The following GBE1 variants were observed in gnomAD, a reference collection of about 807,000 sequenced individuals.
The protein encoded by GBE1 is 1,4-alpha-glucan branching enzyme 1.
GBE1 carries 70 observed loss-of-function variants against 88.8 expected under a neutral mutation model. That is an observed-to-expected ratio of 0.79 (90% CI 0.65 to 0.96). The LOEUF (loss-of-function observed/expected upper bound fraction) is 0.96, where lower values mean the gene tolerates loss of function less well. GBE1 is among the 40% of genes least tolerant of loss of function. The pLI, the probability that GBE1 is intolerant of heterozygous loss-of-function variation, is 0.00. For synonymous variants in GBE1, 284 were observed against 300.1 expected (o/e 0.95, Z 0.56); for missense variants, 872 against 871.0 (o/e 1.00, Z -0.01).
At chr3:81,611,978 A>C (rs1704187833) in intron 7 of GBE1, among the ~76,000 whole-genome samples, 1 of 152,118 alleles carries the variant, frequency 6.6e-6, no homozygotes, top group African/African-American at 2.4e-5. Context: ...TATTGGAAAA[A>C]AGCATTTTTG....
At chr3:81,528,647 T>C (rs1192040321) in intron 14 of GBE1, among the ~76,000 whole-genome samples, 1 of 152,060 alleles carries the variant, frequency 6.6e-6, no homozygotes, top group Admixed American at 6.6e-5. Flanking sequence ...TTGCTTTATA[T>C]ATATGGATGC....
At chr3:81,567,832 C>A (rs1421465680) in intron 12 of GBE1, among the ~76,000 whole-genome samples, 1 of 152,176 alleles carries the variant, frequency 6.6e-6, no homozygotes, top group Admixed American at 6.5e-5. Context: ...TAAAAAGCAA[C>A]AAAGGTTATC....
intron 12 of GBE1, among the ~76,000 whole-genome samples, chr3:81,565,719 C>T (rs1703483102): frequency 6.6e-6 from 1 of 152,128 alleles, no homozygotes. Context: ...TTTTTCTCCA[C>T]AGGTATCACT....
chr3:81,587,021 A>C (rs1402402536), intron 9 of GBE1, among the ~76,000 whole-genome samples: 1 of 151,956 alleles, frequency 6.6e-6, no homozygotes, highest in Non-Finnish European at 1.5e-5. Context: ...CGAACTCCTG[A>C]CCGTTCGAGA....
At chr3:81,544,705 T>G (rs539583997) in intron 12 of GBE1, among the ~76,000 whole-genome samples, 27 of 152,286 alleles carry the variant, frequency 1.8e-4, no homozygotes, top group Non-Finnish European at 1.5e-5. Flanking sequence ...TCTGGTTAAT[T>G]GTGAAAAACC....
Position 81,743,590 on chromosome 3 carries a change from T to C in GBE1, c.143+17785A>G. On this transcript the variant is annotated intron_variant, in intron 1 of 15. Coordinates refer to ENST00000429644, the MANE Select transcript of GBE1 (RefSeq NM_000158.4). ...AGCAAGATTCATGGGACAACGAAGT[T>C]AGAAACAGCTGTTAATCTGGGCCGA... The C allele has an allele frequency of 1.3e-6, 2 of 1,535,242 alleles. 1 individual carries two copies. Among genetic ancestry groups the C allele is most frequent in the South Asian group, 2.4e-5 (2 of 83,990 alleles).
rs1703544490 is a variant in GBE1 at position 81,569,559 on chromosome 3, G to A, written c.1618+8366C>T. Among the ~76,000 whole-genome samples, 3 of 152,152 alleles carry A rather than the reference G, an allele frequency of 2.0e-5. No homozygotes were observed. The South Asian group carries it at 6.2e-4, about 32-fold the overall frequency. On this transcript the variant is annotated intron_variant, in intron 12 of 15. Transcript: ENST00000429644. ...CATTAACATCCTTCTGGCCATAACT[G>A]CTGGTCACATGACCTCAGCAGGCTT...
At chr3:81,608,158 T>C (rs1704128174) in intron 7 of GBE1, among the ~76,000 whole-genome samples, 1 of 152,220 alleles carries the variant, frequency 6.6e-6, no homozygotes, top group Non-Finnish European at 1.5e-5. Context: ...AAGGGTTTTC[T>C]GGGTCAGTGT....
chr3:81,701,564 C>G (rs970478201), intron 2 of GBE1, among the ~76,000 whole-genome samples: 1 of 151,488 alleles, frequency 6.6e-6, no homozygotes, highest in Non-Finnish European at 1.5e-5. Context: ...GATTAAGGTA[C>G]AAAATTTCTC....
chr3:81,503,710 G>A (rs887419366), intron 14 of GBE1, among the ~76,000 whole-genome samples: 3 of 152,158 alleles, frequency 2.0e-5, no homozygotes, highest in African/African-American at 4.8e-5. Context: ...GGAGGTGCGC[G>A]TAAGTCAAAT....
intron 1 of GBE1, among the ~76,000 whole-genome samples, chr3:81,722,062 C>T (rs1284596649): frequency 1.3e-5 from 2 of 152,186 alleles, no homozygotes; most frequent in Non-Finnish European, 2.9e-5. Context: ...ATTGTAATAA[C>T]TTGTAACAGT....
Position 81,577,973 on chromosome 3 carries a change from G to A in GBE1, c.1570C>T (p.Arg524Ter), listed in dbSNP as rs137852888. The A allele has an allele frequency of 1.2e-4, 192 of 1,607,614 alleles. No homozygotes were observed. The highest frequency in any genetic ancestry group is 1.6e-4 in the Non-Finnish European group (183 of 1,177,580). The change falls in exon 12 of 16, where the codon CGA becomes TGA. Residue 524 changes from arginine (R) to a stop codon, truncating the protein, a stop_gained. Coordinates refer to ENST00000429644, the MANE Select transcript of GBE1 (RefSeq NM_000158.4). LOFTEE classifies it high-confidence loss of function. ...DRGIQLHKMIRLITHGLGGEG... is the reference protein window; with the variant it reads ...DRGIQLHKMI The stretch of plus-strand genomic sequence containing the variant: ...CCACCAAGCCCATGCGTAATGAGTC[G>A]AATCATTTTATGAAGCTGTATTCCA...
intron 7 of GBE1, among the ~76,000 whole-genome samples, chr3:81,634,561 C>T (rs1450276471): frequency 1.3e-5 from 2 of 151,812 alleles, no homozygotes; most frequent in African/African-American, 2.4e-5. Flanking sequence ...GCAGTGTTGC[C>T]GCCATGGCAA....
At chr3:81,642,724 TA>T in intron 7 of GBE1, 56 bp downstream of exon 7, 1 of 1,116,252 alleles carries the variant, frequency 9.0e-7, no homozygotes, top group Non-Finnish European at 1.4e-6. Flanking sequence ...GTGAAATTCT[TA>T]AAAATTAATG....
intron 14 of GBE1, among the ~76,000 whole-genome samples, chr3:81,502,233 G>C (rs532825877): frequency 6.6e-6 from 1 of 151,978 alleles, no homozygotes; most frequent in African/African-American, 2.4e-5. Flanking sequence ...CTCAATCAAA[G>C]GACAGTAAAA....
intron 14 of GBE1, among the ~76,000 whole-genome samples, chr3:81,513,601 T>C (rs1447906788): frequency 1.3e-5 from 2 of 151,472 alleles, no homozygotes; most frequent in Non-Finnish European, 3.0e-5. Flanking sequence ...AGTAGGACAA[T>C]AGAAAAAAGA....
intron 2 of GBE1, among the ~76,000 whole-genome samples, chr3:81,675,557 AT>A (rs1705240831): frequency 6.6e-6 from 1 of 152,098 alleles, no homozygotes; most frequent in Non-Finnish European, 1.5e-5. Flanking sequence ...ACACCGAAAC[AT>A]TGCTTGGTTA....
At chr3:81,492,011 T>C (rs1390466554) in intron 15 of GBE1, among the ~76,000 whole-genome samples, 41 of 152,240 alleles carry the variant, frequency 2.7e-4, no homozygotes, top group Non-Finnish European at 1.0e-4. Context: ...GGCTAGAGAA[T>C]AGTTTTTCTA....
Position 81,514,580 on chromosome 3 carries a change from CA to C in GBE1, c.1935-15354del, listed in dbSNP as rs1193424226. ...CAACTGAATCCACTGCTTCCAAGAA[CA>C]CACTGTTTTTGGCTCTAATATTTCC... On this transcript the variant is annotated intron_variant, in intron 14 of 15. Transcript: ENST00000429644. 2.0e-5 allele frequency among the ~76,000 whole-genome samples: 3 copies of C among 151,692 alleles called. No homozygotes were observed. In the East Asian group the frequency reaches 5.8e-4, roughly 29 times the overall value.
Sources: allele counts gnomAD v4.1 joint callset (sites outside exome capture counted in the v4.1 genomes callset), GRCh38; gene constraint gnomAD v4.1.1; transcripts MANE v1.5; gene names NCBI Gene and HGNC (gene_info 2026-07-23, HGNC 2026-07-21).